The following HHLA2 variants were observed in gnomAD, a reference collection of about 807,000 sequenced individuals.
HHLA2 encodes HHLA2 member of B7 family.
HHLA2 carries 48 observed loss-of-function variants against 45.9 expected under a neutral mutation model. That is an observed-to-expected ratio of 1.05 (90% CI 0.83 to 1.33). HHLA2 has a LOEUF of 1.33. HHLA2 is among the 40% of genes most tolerant of loss of function. The pLI is 0.00. For missense variants in HHLA2, 462 were observed against 494.3 expected, an observed-to-expected ratio of 0.93 and a Z score of 0.62; for synonymous variants, 161 against 173.9, an observed-to-expected ratio of 0.93 and a Z score of 0.59.
intron 3 of HHLA2, among the ~76,000 whole-genome samples, chr3:108,331,091 G>A (rs574493497): frequency 3.9e-5 from 6 of 152,208 alleles, no homozygotes; most frequent in Admixed American, 2.6e-4. Flanking sequence ...CATCCCACCC[G>A]GTTCGAGAAT....
At chr3:108,375,640 C>T (rs2082262966) in intron 8 of HHLA2, 110 bp from the exon 8 acceptor site, 2 of 1,361,360 alleles carry the variant, frequency 1.5e-6, no homozygotes, top group South Asian at 1.5e-5. Flanking sequence ...CTTCAAAGAA[C>T]CAGAGAGTGA....
chr3:108,328,244 A>G lies in HHLA2; in HGVS notation c.-104-26A>G, dbSNP rs948407557. The G allele has an allele frequency of 3.7e-5, 43 of 1,156,834 alleles. No individual in the cohort carries two copies. In the African/African-American group the frequency reaches 5.9e-4, roughly 16 times the overall value. The allele number at this position is 1,156,834 out of a possible 1,614,324, so 71.7% of individuals were successfully genotyped here. On this transcript the variant is annotated intron_variant, in intron 2 of 10. Coordinates refer to ENST00000619531, the Ensembl canonical transcript of HHLA2. The stretch of plus-strand genomic sequence containing the variant: ...TCTGGGGCATTGATACTCTGGAATC[A>G]CCTTAATCTAATTTTATCCACACAG...
rs187521623 is a variant in HHLA2, at chr3:108,323,353, G to T, written c.-104-4917G>T. 4.2e-4 allele frequency among the ~76,000 whole-genome samples: 64 copies of T among 152,140 alleles called. No individual in the cohort carries two copies. In the East Asian group the frequency reaches 0.012, roughly 28 times the overall value. ...TCTCCATGATGTGCTTATTTCACAT[G>T]CATGCCTGTATCAAAACTTCTCATG... is the stretch of plus-strand genomic sequence containing the variant. On this transcript the variant is annotated intron_variant, in intron 2 of 10. Transcript: ENST00000619531.
intron 8 of HHLA2, among the ~76,000 whole-genome samples, chr3:108,363,399 C>G (rs1274806394): frequency 6.6e-6 from 1 of 152,172 alleles, no homozygotes; most frequent in Non-Finnish European, 1.5e-5. Flanking sequence ...TGAGAAGGCT[C>G]TGGGTGTCCT....
chr3:108,355,599 T>C (rs537026143), intron 6 of HHLA2, among the ~76,000 whole-genome samples: 4 of 152,338 alleles, frequency 2.6e-5, no homozygotes, highest in South Asian at 2.1e-4. Context: ...ATTGATAAAA[T>C]AGAAGTAATT....
At chr3:108,369,841 C>T (rs2082136557) in intron 8 of HHLA2, among the ~76,000 whole-genome samples, 1 of 152,252 alleles carries the variant, frequency 6.6e-6, no homozygotes, top group Non-Finnish European at 1.5e-5. Flanking sequence ...GAGCCCATCA[C>T]AGCTCAAGGA....
At position 108,329,151 on chromosome 3, in the gene HHLA2, A is replaced by G. The variant is rs370729730; in HGVS notation, c.-27+804A>G. 5.3e-5 allele frequency among the ~76,000 whole-genome samples: 8 copies of G among 152,316 alleles called. No homozygotes were observed. The East Asian group carries it at 1.3e-3, about 26-fold the overall frequency. ...ATGTAGATCATTTAGTCAAATTGCT[A>G]TGTTCTCAGCATGTTAAGACTTCCC... On this transcript the variant is annotated intron_variant, in intron 3 of 10. Transcript: ENST00000619531.
At chr3:108,317,404 G>A (rs1399940808) in intron 2 of HHLA2, among the ~76,000 whole-genome samples, 2 of 152,258 alleles carry the variant, frequency 1.3e-5, no homozygotes, top group East Asian at 1.9e-4. Flanking sequence ...AATTAAGCAG[G>A]CAAGTGGAGG....
chr3:108,303,472 T>C (rs1038451137), intron 1 of HHLA2, among the ~76,000 whole-genome samples: 13 of 152,230 alleles, frequency 8.5e-5, no homozygotes, highest in African/African-American at 3.1e-4. Context: ...TTTCCTCATA[T>C]CTACAATCCT....
intron 10 of HHLA2, 46 bp from the exon 10 acceptor site, chr3:108,377,212 C>CTGACT: frequency 7.6e-7 from 1 of 1,311,336 alleles, no homozygotes. Flanking sequence ...AATGGTTATT[C>CTGACT]TGACTTGAAC....
At chr3:108,322,146 T>C (rs960156682) in intron 2 of HHLA2, among the ~76,000 whole-genome samples, 12 of 152,222 alleles carry the variant, frequency 7.9e-5, no homozygotes, top group Admixed American at 5.9e-4. Context: ...CAATGTCTGC[T>C]TAACATTAAG....
rs559066322 is a variant in HHLA2 at position 108,300,605 on chromosome 3, G to A, written c.-192+4006G>A. 2.6e-5 allele frequency among the ~76,000 whole-genome samples: 4 copies of A among 152,214 alleles called. No individual in the cohort carries two copies. In the South Asian group the frequency reaches 8.3e-4, roughly 32 times the overall value. ...TCGTCTGGGTTTAGCGGTGTGTGAG[G>A]TCAGGCCTGAAACATCTACAGCCAC... is the stretch of plus-strand genomic sequence containing the variant. On this transcript the variant is annotated intron_variant, in intron 1 of 10. Transcript: ENST00000619531.
rs964614904 is a variant in HHLA2 at position 108,351,788 on chromosome 3, C to G, written c.-26C>G. 4.4e-6 allele frequency: 7 copies of G among 1,604,122 alleles called. No homozygotes were observed. The African/African-American group carries it at 9.4e-5, about 21-fold the overall frequency. On this transcript the variant is annotated splice_region_variant and 5_prime_UTR_variant, in exon 4 of 11. Transcript: ENST00000619531. The stretch of plus-strand genomic sequence containing the variant: ...TGTGCACTTTACTTCTCTTTGATAG[C>G]ATGACTAATATGTTCTGCACAAGAC...
At chr3:108,353,827 A>C (rs372910358) in intron 5 of HHLA2, 47 bp downstream of exon 4, 1 of 1,393,884 alleles carries the variant, frequency 7.2e-7, no homozygotes, top group Non-Finnish European at 9.8e-7. Flanking sequence ...ACATCATTCC[A>C]TGTTATTAGT....
At chr3:108,357,130 G>T (rs910969021) in intron 6 of HHLA2, among the ~76,000 whole-genome samples, 15 of 152,168 alleles carry the variant, frequency 9.9e-5, no homozygotes, top group African/African-American at 3.1e-4. Flanking sequence ...AGAGGCCCTG[G>T]ATTTGCCTTT....
rs560966841 is a variant in HHLA2 at position 108,361,576 on chromosome 3, C to T, written c.1004-766C>T. 5.9e-5 allele frequency among the ~76,000 whole-genome samples: 9 copies of T among 152,210 alleles called. 1 individual carries two copies. In the South Asian group the frequency reaches 8.3e-4, roughly 14 times the overall value. On this transcript the variant is annotated intron_variant, in intron 7 of 10. Transcript: ENST00000619531. ...CTCAAGAGGAAAAAAGAGCCTATGT[C>T]GAGGTTGCTAAGATCTACAGTAAGA...
chr3:108,358,164 A>G lies in HHLA2; in HGVS notation c.1003+3A>G, dbSNP rs2081931004. 1 of 1,591,120 alleles carries G rather than the reference A, an allele frequency of 6.3e-7. No individual in the cohort carries two copies. Among genetic ancestry groups the G allele is most frequent in the Non-Finnish European group, 8.6e-7 (1 of 1,166,024 alleles). On this transcript the variant is annotated splice_donor_region_variant and intron_variant, in intron 7 of 10. Transcript: ENST00000619531. The stretch of plus-strand genomic sequence containing the variant: ...TACCATCCACACAGTGCATGTAGGT[A>G]AGTTGCAAGTAGGTTTGGATAATGG...
At chr3:108,354,676 C>T (rs2081851611) in intron 5 of HHLA2, among the ~76,000 whole-genome samples, 1 of 152,020 alleles carries the variant, frequency 6.6e-6, no homozygotes, top group Admixed American at 6.6e-5. Context: ...TCTTTTTCTT[C>T]TGTCCCTTTT....
chr3:108,299,054 G>A (rs1412278899), intron 1 of HHLA2, among the ~76,000 whole-genome samples: 1 of 152,016 alleles, frequency 6.6e-6, no homozygotes, highest in Non-Finnish European at 1.5e-5. Context: ...ACCTTCTGAA[G>A]GTGAAAACCT....
Sources: allele counts gnomAD v4.1 joint callset (sites outside exome capture counted in the v4.1 genomes callset), GRCh38; gene constraint gnomAD v4.1.1; transcripts MANE v1.5; gene names NCBI Gene and HGNC (gene_info 2026-07-23, HGNC 2026-07-21).